The following CREB5 variants were observed in gnomAD, a reference collection of about 807,000 sequenced individuals.
CREB5 encodes the protein cAMP responsive element binding protein 5.
Under a neutral mutation model 57.1 loss-of-function variants are expected in CREB5, and 19 were observed. The ratio of observed to expected loss-of-function variants is 0.33; its 90% CI spans 0.23 to 0.49. CREB5 has a LOEUF of 0.49. Among genes scored for constraint, CREB5 ranks in the 20% least tolerant of loss-of-function variants. CREB5 has a pLI of 0.99. For missense variants in CREB5, 579 were observed against 671.6 expected, an observed-to-expected ratio of 0.86 and a Z score of 1.52; for synonymous variants, 238 against 238.3, an observed-to-expected ratio of 1.00 and a Z score of 0.01.
chr7:28,499,592 T>C (rs1169354501), intron 3 of CREB5, among the ~76,000 whole-genome samples: 1 of 152,088 alleles, frequency 6.6e-6, no homozygotes, highest in Non-Finnish European at 1.5e-5. Context: ...TGTCTTTTTG[T>C]TTTGTTTTGA....
At chr7:28,711,748 A>T (rs1242618266) in intron 5 of CREB5, among the ~76,000 whole-genome samples, 2 of 152,178 alleles carry the variant, frequency 1.3e-5, no homozygotes, top group Non-Finnish European at 2.9e-5. Flanking sequence ...GCCTCTGTAG[A>T]AGGGTTTGGA....
At chr7:28,391,294 A>G (rs558064556) in intron 1 of CREB5, among the ~76,000 whole-genome samples, 28 of 152,322 alleles carry the variant, frequency 1.8e-4, no homozygotes, top group African/African-American at 6.7e-4. Context: ...AAATAAGTTC[A>G]AATATCAGTA....
At chr7:28,721,488 G>A (rs1431718914) in intron 6 of CREB5, among the ~76,000 whole-genome samples, 1 of 152,128 alleles carries the variant, frequency 6.6e-6, no homozygotes, top group Non-Finnish European at 1.5e-5. Context: ...GGTCACAGGG[G>A]AGACGCTTCC....
At chr7:28,356,944 A>G (rs996647444) in intron 1 of CREB5, among the ~76,000 whole-genome samples, 1 of 152,214 alleles carries the variant, frequency 6.6e-6, no homozygotes, top group African/African-American at 2.4e-5. Context: ...GGCAACATGG[A>G]CACTGGGAAA....
At chr7:28,525,649 G>A (rs1049128797) in intron 4 of CREB5, among the ~76,000 whole-genome samples, 1 of 152,062 alleles carries the variant, frequency 6.6e-6, no homozygotes, top group African/African-American at 2.4e-5. Flanking sequence ...CATGCAGTAA[G>A]GTACCACTCA....
Position 28,570,438 on chromosome 7 carries a change from T to A in CREB5, c.365T>A (p.Leu122Gln). Residue 122 changes from leucine (L) to glutamine (Q), a missense_variant, in exon 5 of 11, where the codon CTG (leucine) becomes CAG (glutamine). Leu to Gln is a moderately radical substitution (Grantham distance 113). This residue lies in a region of CREB5 where 459 missense variants were observed against 515.7 expected (regional missense o/e 0.89). Coordinates refer to ENST00000357727, the MANE Select transcript of CREB5 (RefSeq NM_182898.4). ...PGTHQLSSARLPNHDTNVVIQ... is the reference protein window; with the variant it reads ...PGTHQLSSARQPNHDTNVVIQ... ...ACTCACCAGCTTAGCAGCGCTCGGC[T>A]GCCCAACCATGACACCAACGTTGTG... 1.9e-6 allele frequency: 3 copies of A among 1,614,214 alleles called. No homozygotes were observed. The highest frequency in any genetic ancestry group is 2.5e-6 in the Non-Finnish European group (3 of 1,180,040).
At chr7:28,611,229 G>T (rs1797372597) in intron 5 of CREB5, among the ~76,000 whole-genome samples, 1 of 151,956 alleles carries the variant, frequency 6.6e-6, no homozygotes, top group African/African-American at 2.4e-5. Flanking sequence ...AGTATTGAAG[G>T]TCCCAGAGCT....
chr7:28,687,209 G>C (rs1396680576), intron 5 of CREB5, among the ~76,000 whole-genome samples: 1 of 152,106 alleles, frequency 6.6e-6, no homozygotes, highest in African/African-American at 2.4e-5. Context: ...TTGACATTCT[G>C]TTGTTCCACG....
In CREB5 at chr7:28,465,315, AG is replaced by A. The variant is rs1790519153; in HGVS notation, c.4-22858del. On this transcript the variant is annotated intron_variant, in intron 1 of 10. Transcript: ENST00000357727. ...GTGCAGTGCAGAGCAATTTGCTGCC[AG>A]GCCGTGGAAAGGTGTTTGACAAAGT... 4.6e-5 allele frequency among the ~76,000 whole-genome samples: 7 copies of A among 152,340 alleles called. No individual in the cohort carries two copies. The South Asian group carries it at 1.2e-3, about 27-fold the overall frequency.
intron 5 of CREB5, among the ~76,000 whole-genome samples, chr7:28,707,148 G>A (rs1004640953): frequency 2.6e-5 from 4 of 152,164 alleles, no homozygotes; most frequent in African/African-American, 9.7e-5. Context: ...CCCTCGGAGA[G>A]GCTGGGTGTT....
chr7:28,541,666 C>A (rs1794216591), intron 4 of CREB5, among the ~76,000 whole-genome samples: 1 of 147,684 alleles, frequency 6.8e-6, no homozygotes, highest in African/African-American at 2.5e-5. Context: ...TCACAAAAAA[C>A]AAACAAACAA....
intron 1 of CREB5, among the ~76,000 whole-genome samples, chr7:28,420,468 A>T (rs1788198134): frequency 6.6e-6 from 1 of 152,194 alleles, no homozygotes. Context: ...TTGGTTGCAC[A>T]ACAGTGTGAA....
At chr7:28,396,992 G>A (rs889581104) in intron 1 of CREB5, among the ~76,000 whole-genome samples, 1 of 152,256 alleles carries the variant, frequency 6.6e-6, no homozygotes, top group East Asian at 1.9e-4. Context: ...ATACATCTTA[G>A]ATGCCATAAG....
intron 7 of CREB5, 55 bp from the exon 8 acceptor site, chr7:28,804,144 T>C: frequency 6.5e-7 from 1 of 1,535,002 alleles, no homozygotes; most frequent in Non-Finnish European, 8.9e-7. Flanking sequence ...TAAATCTCTA[T>C]CATGTACATG....
intron 1 of CREB5, among the ~76,000 whole-genome samples, chr7:28,431,151 C>A (rs965208365): frequency 6.6e-6 from 1 of 152,160 alleles, no homozygotes; most frequent in African/African-American, 2.4e-5. Context: ...TCTTTGGGTT[C>A]AAATCACTGA....
intron 7 of CREB5, among the ~76,000 whole-genome samples, chr7:28,795,855 G>A (rs1048559163): frequency 4.7e-5 from 7 of 150,486 alleles, no homozygotes; most frequent in African/African-American, 1.7e-4. Flanking sequence ...CGGAATTCAA[G>A]CAATTCTCCT....
rs200236020 is a variant in CREB5 at position 28,456,771 on chromosome 7, A to G, written c.4-31404A>G. The stretch of plus-strand genomic sequence containing the variant: ...TGTCTGCCATTTTGCATATAGACAG[A>G]CCTCACTTATTTTATTCTTGCTCTC... On this transcript the variant is annotated intron_variant, in intron 1 of 10. Transcript: ENST00000357727. Among the ~76,000 whole-genome samples, 3 of 152,162 alleles carry G rather than the reference A, an allele frequency of 2.0e-5. No homozygotes were observed. In the East Asian group the frequency reaches 5.8e-4, roughly 29 times the overall value.
At chr7:28,720,508 TC>T (rs1374244775) in intron 6 of CREB5, among the ~76,000 whole-genome samples, 1 of 152,118 alleles carries the variant, frequency 6.6e-6, no homozygotes, top group Admixed American at 6.5e-5. Flanking sequence ...GCTCAGATCA[TC>T]CCAGGTTGAG....
intron 1 of CREB5, among the ~76,000 whole-genome samples, chr7:28,347,088 C>A (rs911298156): frequency 6.6e-6 from 1 of 152,194 alleles, no homozygotes; most frequent in South Asian, 2.1e-4. Flanking sequence ...TTCATTCTAG[C>A]AAATCTTGTA....
Sources: allele counts gnomAD v4.1 joint callset (sites outside exome capture counted in the v4.1 genomes callset), GRCh38; gene constraint gnomAD v4.1.1; regional missense constraint gnomAD v4.1.1; transcripts MANE v1.5; gene names NCBI Gene and HGNC (gene_info 2026-07-23, HGNC 2026-07-21).